NETO1: variants seen among roughly 807,000 people sequenced by gnomAD.
NETO1 encodes the protein neuropilin and tolloid like 1.
A neutral mutation model predicts 61.3 loss-of-function variants in NETO1; 26 were observed. The ratio of observed to expected loss-of-function variants is 0.42; its 90% CI spans 0.31 to 0.59. The LOEUF is 0.59. Among genes scored for constraint, NETO1 ranks in the 20% least tolerant of loss-of-function variants. The pLI is 0.12. For missense variants in NETO1, 531 were observed against 662.8 expected (o/e 0.80, Z 2.18); for synonymous variants, 225 against 225.8 (o/e 1.00, Z 0.03).
chr18:72,813,145 C>T (rs1007576020), intron 4 of NETO1, among the ~76,000 whole-genome samples: 2 of 152,190 alleles, frequency 1.3e-5, no homozygotes, highest in Non-Finnish European at 2.9e-5. Flanking sequence ...ATAAGAGGGA[C>T]GATGCCTTGC....
intron 7 of NETO1, among the ~76,000 whole-genome samples, chr18:72,777,407 G>T (rs1489913640): frequency 1.8e-5 from 2 of 113,650 alleles, no homozygotes; most frequent in African/African-American, 3.4e-5. Context: ...CAAGAAGAGC[G>T]AAACTCCATC....
At chr18:72,775,432 T>C (rs116937324) in intron 7 of NETO1, among the ~76,000 whole-genome samples, 2 of 152,318 alleles carry the variant, frequency 1.3e-5, no homozygotes, top group East Asian at 3.9e-4. Flanking sequence ...TAAAAATGCA[T>C]TCATATAGTC....
At chr18:72,751,628 G>A (rs568457699) in intron 8 of NETO1, among the ~76,000 whole-genome samples, 1 of 152,296 alleles carries the variant, frequency 6.6e-6, no homozygotes, top group Admixed American at 6.5e-5. Context: ...GTCTCCAGTG[G>A]AGAATGCCAG....
At chr18:72,743,225 C>G (rs1053573327), downstream of NETO1, among the ~76,000 whole-genome samples, 1 of 152,146 alleles carries the variant, frequency 6.6e-6, no homozygotes, top group African/African-American at 2.4e-5. Flanking sequence ...TGTCTCCTGT[C>G]TATGTTCCAA....
chr18:72,827,731 A>AAAAAAAG (rs1568233430), intron 4 of NETO1, among the ~76,000 whole-genome samples: 9 of 148,520 alleles, frequency 6.1e-5, no homozygotes, highest in African/African-American at 7.4e-5. Context: ...AAAAAAAAAA[A>AAAAAAAG]AAAAAAGAAA....
At chr18:72,864,680 A>G in intron 3 of NETO1, 128 bp downstream of exon 3, 1 of 1,196,480 alleles carries the variant, frequency 8.4e-7, no homozygotes, top group Non-Finnish European at 1.2e-6. Flanking sequence ...GATTCACTCA[A>G]GAGATATTTT....
In NETO1 at chr18:72,745,916, C is replaced by A. The variant is rs2070421803; in HGVS notation, c.*2263G>T. The A allele has an allele frequency of 6.6e-6, 1 of 152,144 alleles. No individual in the cohort carries two copies. Among genetic ancestry groups the A allele is most frequent in the South Asian group, 2.1e-4 (1 of 4,824 alleles). The allele number at this position is 152,144 out of a possible 1,614,324, so 9.4% of individuals were successfully genotyped here. On this transcript the variant is annotated 3_prime_UTR_variant, in exon 11 of 11. Transcript: ENST00000327305. The stretch of plus-strand genomic sequence containing the variant: ...GTTATCACTGAGGAGGCCTGTTCTT[C>A]ATTTAAAATACAGTTGTTTTCCCAT...
At chr18:72,788,393 C>T (rs979842145) in intron 6 of NETO1, among the ~76,000 whole-genome samples, 7 of 152,036 alleles carry the variant, frequency 4.6e-5, no homozygotes, top group Non-Finnish European at 5.9e-5. Flanking sequence ...ATCCAGAAAA[C>T]GTGATCACGC....
intron 7 of NETO1, among the ~76,000 whole-genome samples, chr18:72,769,968 T>C (rs2071301063): frequency 6.6e-6 from 1 of 152,134 alleles, no homozygotes; most frequent in Non-Finnish European, 1.5e-5. Context: ...GTTCCCTATT[T>C]TGGAATTTTT....
At chr18:72,853,765 AG>A in intron 4 of NETO1, among the ~76,000 whole-genome samples, 1 of 151,496 alleles carries the variant, frequency 6.6e-6, no homozygotes, top group Non-Finnish European at 1.5e-5. Flanking sequence ...AAAAAAAAAA[AG>A]AAAAAAGTCT....
Position 72,788,321 on chromosome 18 carries a change from A to G in NETO1, c.640-4415T>C, listed in dbSNP as rs115671642. Among the ~76,000 whole-genome samples the G allele has an allele frequency of 9.5e-4, 144 of 152,266 alleles. 1 individual carries two copies. Among genetic ancestry groups the G allele is most frequent in the African/African-American group, 3.4e-3 (141 of 41,566 alleles). On this transcript the variant is annotated intron_variant, in intron 6 of 10. Transcript: ENST00000327305. ...AGTGATGGCAATGATTTTTTATCAT[A>G]TAGAAAAAGAGAATATACTTTACTG...
chr18:72,846,117 T>G (rs1205020918), intron 4 of NETO1, among the ~76,000 whole-genome samples: 1 of 151,568 alleles, frequency 6.6e-6, no homozygotes. Flanking sequence ...AAAATAAAGA[T>G]TGGGGCTGAC....
At chr18:72,837,680 GA>G (rs1568244028) in intron 4 of NETO1, among the ~76,000 whole-genome samples, 1 of 152,114 alleles carries the variant, frequency 6.6e-6, no homozygotes, top group African/African-American at 2.4e-5. Context: ...GGTATTCAAA[GA>G]ATAATAATAT....
chr18:72,859,396 A>G (rs1374324039), intron 3 of NETO1, among the ~76,000 whole-genome samples: 2 of 152,074 alleles, frequency 1.3e-5, no homozygotes, highest in Non-Finnish European at 2.9e-5. Context: ...GTCAAGGAAT[A>G]TTTTTCTGTC....
At chr18:72,815,651 A>G (rs1205709148) in intron 4 of NETO1, among the ~76,000 whole-genome samples, 1 of 152,198 alleles carries the variant, frequency 6.6e-6, no homozygotes, top group Non-Finnish European at 1.5e-5. Context: ...GACTGACGAC[A>G]TCGAGTTTCA....
At chr18:72,761,088 T>C (rs949999302) in intron 7 of NETO1, among the ~76,000 whole-genome samples, 9 of 152,050 alleles carry the variant, frequency 5.9e-5, no homozygotes, top group African/African-American at 2.2e-4. Flanking sequence ...AATGTTAAGA[T>C]GTATGATATA....
At chr18:72,841,808 T>A (rs1364287580) in intron 4 of NETO1, among the ~76,000 whole-genome samples, 1 of 147,910 alleles carries the variant, frequency 6.8e-6, no homozygotes, top group African/African-American at 2.5e-5. Context: ...CAATCACAGG[T>A]CCATCTTGCT....
rs1214425972 is a variant in NETO1 at position 72,750,372 on chromosome 18, C to T, written c.1231G>A (p.Ala411Thr). ...TGATADFADV[A>T]DDFENYHKLR... Reference sequence around the variant, plus strand: ...TTATGGTAATTTTCAAAGTCATCTGCCACATCTGCAAAGTCAGCTGTAGCT... The same window carrying T: ...TTATGGTAATTTTCAAAGTCATCTGTCACATCTGCAAAGTCAGCTGTAGCT... The change falls in exon 9 of 11, where the codon GCA becomes ACA. Residue 411 changes from alanine to threonine, a missense_variant. Coordinates refer to ENST00000327305, the MANE Select transcript of NETO1 (RefSeq NM_138966.5). 4 of 1,613,952 alleles carry T rather than the reference C, an allele frequency of 2.5e-6. No individual in the cohort carries two copies. Among genetic ancestry groups the T allele is most frequent in the Non-Finnish European group, 3.4e-6 (4 of 1,180,014 alleles).
chr18:72,856,025 T>G (rs1461430393), intron 4 of NETO1, among the ~76,000 whole-genome samples: 1 of 152,218 alleles, frequency 6.6e-6, no homozygotes, highest in Non-Finnish European at 1.5e-5. Context: ...TGTATATGTG[T>G]ATTTAGTATG....
Sources: gnomAD v4.1 joint callset for allele counts (sites outside exome capture counted in the v4.1 genomes callset) on GRCh38, gnomAD v4.1.1 for gene constraint, MANE v1.5 for transcripts, NCBI Gene and HGNC (gene_info 2026-07-23, HGNC 2026-07-21) for gene names.